The following SYTL5 variants were observed in gnomAD, a reference collection of about 807,000 sequenced individuals.
SYTL5 encodes the protein synaptotagmin like 5, also known as synaptotagmin-like protein 5.
In SYTL5, 34 loss-of-function variants were observed where a neutral mutation model predicts 55.9. The ratio of observed to expected loss-of-function variants is 0.61; its 90% CI spans 0.46 to 0.81. The LOEUF is 0.81. Ranked by LOEUF, SYTL5 falls within the 30% of genes least tolerant of loss-of-function variation. SYTL5 has a pLI of 0.00. For synonymous variants in SYTL5, 221 were observed against 188.7 expected (o/e 1.17, Z -1.40); for missense variants, 637 against 546.7 (o/e 1.17, Z -1.65).
intron 5 of SYTL5, among the ~76,000 whole-genome samples, chrX:38,075,426 A>G (rs1169115491): frequency 8.9e-6 from 1 of 111,944 alleles, no homozygotes; most frequent in Non-Finnish European, 1.9e-5. Context: ...TACTGAGTAC[A>G]TATAAATAAG....
the SYTL5 span, among the ~76,000 whole-genome samples, chrX:37,944,322 C>T: frequency 1.8e-5 from 2 of 110,215 alleles, no homozygotes. Flanking sequence ...AGTCTGGGGG[C>T]ATTTTGATTG....
chrX:37,988,039 C>T, the SYTL5 span, among the ~76,000 whole-genome samples: 9 of 111,733 alleles, frequency 8.1e-5, no homozygotes, highest in Non-Finnish European at 1.7e-4. Context: ...ATGAATGTTG[C>T]CTTATATGGA....
chrX:38,100,280 TC>T (rs1937049429), intron 9 of SYTL5, among the ~76,000 whole-genome samples: 1 of 111,210 alleles, frequency 9.0e-6, no homozygotes, highest in African/African-American at 3.3e-5. Context: ...CAATAAGTTC[TC>T]ATTTAACATC....
At chrX:37,937,738 A>G in the SYTL5 span, among the ~76,000 whole-genome samples, 1 of 112,346 alleles carries the variant, frequency 8.9e-6, no homozygotes, top group Non-Finnish European at 1.9e-5. Context: ...CAGAGTACCA[A>G]TGTGGAATCC....
intron 3 of SYTL5, among the ~76,000 whole-genome samples, chrX:38,054,824 G>A (rs1485956111): frequency 9.1e-6 from 1 of 109,935 alleles, no homozygotes; most frequent in East Asian, 2.8e-4. Context: ...CGACCTCCTG[G>A]GCTCAAGTGA....
intron 13 of SYTL5, 38 bp downstream of exon 13, chrX:38,110,520 G>A: frequency 9.6e-7 from 1 of 1,043,447 alleles, no homozygotes; most frequent in South Asian, 3.0e-5. Flanking sequence ...TATGCAATGA[G>A]ACAAGTTATG....
chrX:38,084,062 A>G (rs1239060962), intron 6 of SYTL5, among the ~76,000 whole-genome samples: 1 of 111,466 alleles, frequency 9.0e-6, no homozygotes, highest in Non-Finnish European at 1.9e-5. Context: ...TGCTACACAG[A>G]GAAACCAAGA....
chrX:38,029,686 A>G (rs953203373), intron 1 of SYTL5, among the ~76,000 whole-genome samples: 1 of 112,288 alleles, frequency 8.9e-6, no homozygotes, highest in Non-Finnish European at 1.9e-5. Context: ...GACCTGTAAA[A>G]TTTAGACCAA....
At chrX:38,058,246 T>C (rs1326823507) in intron 3 of SYTL5, among the ~76,000 whole-genome samples, 2 of 111,499 alleles carry the variant, frequency 1.8e-5, no homozygotes, top group Non-Finnish European at 1.9e-5. Flanking sequence ...GTCCAAGTCT[T>C]CCATATACTT....
At chrX:38,049,178 A>G (rs777164586) in intron 2 of SYTL5, among the ~76,000 whole-genome samples, 1 of 112,020 alleles carries the variant, frequency 8.9e-6, no homozygotes, top group African/African-American at 3.2e-5. Flanking sequence ...TGCTCTCTTA[A>G]TGGAATATGA....
chrX:37,965,371 G>A, the SYTL5 span, among the ~76,000 whole-genome samples: 3 of 111,246 alleles, frequency 2.7e-5, no homozygotes, highest in African/African-American at 9.8e-5. Context: ...TGATCCATTT[G>A]TTATTCAAAA....
chrX:37,948,613 G>A, the SYTL5 span, among the ~76,000 whole-genome samples: 13 of 109,834 alleles, frequency 1.2e-4, no homozygotes, highest in East Asian at 2.3e-3. Context: ...CCACCTCCCC[G>A]CCTCAGCCTC....
At chrX:38,052,697 C>T (rs901174524) in intron 2 of SYTL5, among the ~76,000 whole-genome samples, 1 of 112,203 alleles carries the variant, frequency 8.9e-6, no homozygotes, top group African/African-American at 3.2e-5. Flanking sequence ...AAACTAAGGC[C>T]TTTGTTCCTG....
chrX:38,004,530 C>T (rs1933941683), upstream of SYTL5, among the ~76,000 whole-genome samples: 1 of 111,537 alleles, frequency 9.0e-6, no homozygotes, highest in Non-Finnish European at 1.9e-5. Context: ...ATATAAATGT[C>T]CATCAACAGA....
chrX:37,992,165 G>A, the SYTL5 span, among the ~76,000 whole-genome samples: 1 of 112,846 alleles, frequency 8.9e-6, no homozygotes, highest in African/African-American at 3.2e-5. Context: ...CATGTTTTAA[G>A]AGGTATAGAA....
chrX:37,902,495 C>T, the SYTL5 span, among the ~76,000 whole-genome samples: 1 of 112,211 alleles, frequency 8.9e-6, no homozygotes, highest in Non-Finnish European at 1.9e-5. Flanking sequence ...TCTGCCTTAA[C>T]TCTTATGCCT....
chrX:37,986,325 C>T, the SYTL5 span, among the ~76,000 whole-genome samples: 2 of 110,517 alleles, frequency 1.8e-5, no homozygotes, highest in Non-Finnish European at 3.8e-5. Flanking sequence ...GCTCATGACT[C>T]TAAGGGGGTC....
chrX:38,097,092 G>T (rs910226620), intron 9 of SYTL5, among the ~76,000 whole-genome samples: 3 of 110,820 alleles, frequency 2.7e-5, no homozygotes, highest in Non-Finnish European at 5.7e-5. Context: ...TTTTAAAATA[G>T]TTTGAAAAAT....
chrX:37,962,996 T>A, the SYTL5 span, among the ~76,000 whole-genome samples: 1 of 112,077 alleles, frequency 8.9e-6, no homozygotes, highest in Non-Finnish European at 1.9e-5. Context: ...ATGGACATTT[T>A]AACAATATTC....
Sources: gnomAD v4.1 joint callset for allele counts (sites outside exome capture counted in the v4.1 genomes callset) on GRCh38, gnomAD v4.1.1 for gene constraint, MANE v1.5 for transcripts, NCBI Gene and HGNC (gene_info 2026-07-23, HGNC 2026-07-21) for gene names.